The following MYO1F variants were observed in gnomAD, a reference collection of about 807,000 sequenced individuals.
MYO1F encodes the protein unconventional myosin-If.
In MYO1F, 60 loss-of-function variants were observed where a neutral mutation model predicts 146.6. That is an observed-to-expected ratio of 0.41 (90% confidence interval 0.33 to 0.51). MYO1F has a LOEUF of 0.51. MYO1F is among the 20% of genes least tolerant of loss of function. The pLI is 0.25. For synonymous variants in MYO1F, 602 were observed against 602.1 expected (o/e 1.00, Z 0.00); for missense variants, 1,274 against 1,534.3 (o/e 0.83, Z 2.83).
chr19:8,526,484 G>C lies in MYO1F; in HGVS notation c.2739C>G (p.Val913=). 2 of 1,567,194 alleles carry C rather than the reference G, an allele frequency of 1.3e-6. No homozygotes were observed. The highest frequency in any genetic ancestry group is 2.3e-5 in the South Asian group (2 of 85,204). Residue 913 remains valine (V), a synonymous_variant, in exon 24 of 28, where the codon GTC becomes GTG. Transcript: ENST00000644032. ...VLKVGGRTLT[V]SVGDGLPKSS... ...TCTTGGGCAGCCCATCGCCCACGCT[G>C]ACCGTGAGGGTCCGACCGCCAACCT...
intron 25 of MYO1F, among the ~76,000 whole-genome samples, chr19:8,523,208 T>G (rs1226609365): frequency 6.6e-6 from 1 of 151,992 alleles, no homozygotes. Context: ...ATTTTTTAAA[T>G]ATTTTTAGTA....
chr19:8,532,744 T>C (rs2967591), intron 19 of MYO1F, among the ~76,000 whole-genome samples: 46,569 of 151,586 alleles, frequency 0.31, 10,544 homozygotes, highest in African/African-American at 0.63. Context: ...AAAAATTAGC[T>C]GAGGGTGATG....
rs1336928319 is a variant in MYO1F at position 8,521,330 on chromosome 19, G to A, written c.*198C>T. 3.2e-6 allele frequency: 2 copies of A among 630,634 alleles called. No homozygotes were observed. Among genetic ancestry groups the A allele is most frequent in the Non-Finnish European group, 2.9e-6 (1 of 348,304 alleles). The allele number at this position is 630,634 out of a possible 1,614,324, so 39.1% of individuals were successfully genotyped here. A position where few individuals can be genotyped will look rare whatever the true frequency, so the allele number is the denominator to read the frequency against. On this transcript the variant is annotated 3_prime_UTR_variant, in exon 28 of 28. Coordinates refer to ENST00000644032, the MANE Select transcript of MYO1F (RefSeq NM_012335.4). ...ATGGGCAGCAGGTGTGATGTTGGAGGAAGACCAGGGCCCAGGGGCGGGGGC... is the reference window on the plus strand; with the variant it reads ...ATGGGCAGCAGGTGTGATGTTGGAGAAAGACCAGGGCCCAGGGGCGGGGGC...
intron 24 of MYO1F, 115 bp downstream of exon 24, chr19:8,526,338 A>G: frequency 6.8e-7 from 1 of 1,471,472 alleles, no homozygotes; most frequent in Non-Finnish European, 9.2e-7. Flanking sequence ...AAAAAACCAC[A>G]AAACTCAAAA....
rs2042251168 is a variant in MYO1F at position 8,577,067 on chromosome 19, C to A, written c.3+240G>T. On this transcript the variant is annotated intron_variant, in intron 1 of 27. Coordinates refer to ENST00000644032, the MANE Select transcript of MYO1F (RefSeq NM_012335.4). This position sits in a 1 kb window ranked among gnomAD's most constrained non-coding sequence, Gnocchi z 4.3. ...TGGGCCACCTTCTGTCTTCCAGGTC[C>A]TGCCCTATCCTTGGATCCAGGGATA... 3 of 621,496 alleles carry A rather than the reference C, an allele frequency of 4.8e-6. No individual in the cohort carries two copies. The South Asian group carries it at 5.6e-5, about 12-fold the overall frequency. The allele number at this position is 621,496 out of a possible 1,614,324, so 38.5% of individuals were successfully genotyped here.
intron 19 of MYO1F, among the ~76,000 whole-genome samples, chr19:8,534,835 C>A (rs921226394): frequency 6.6e-6 from 1 of 151,528 alleles, no homozygotes; most frequent in Non-Finnish European, 1.5e-5. Context: ...CCATGTTGGT[C>A]GGGCTGGTCT....
chr19:8,555,905 C>T lies in MYO1F; in HGVS notation c.4-109G>A, dbSNP rs577523288. 78 of 1,152,656 alleles carry T rather than the reference C, an allele frequency of 6.8e-5. No homozygotes were observed. The African/African-American group carries it at 1.0e-3, about 15-fold the overall frequency. The allele number at this position is 1,152,656 out of a possible 1,614,324, so 71.4% of individuals were successfully genotyped here. A position where few individuals can be genotyped will look rare whatever the true frequency, so the allele number is the denominator to read the frequency against. On this transcript the variant is annotated intron_variant, in intron 1 of 27. Transcript: ENST00000644032. ...TGTCCCACCTCCCCCGCCCCACCTCCATTCCTCCTTCCCCATCTCCAGGAG... is the reference window on the plus strand; with the variant it reads ...TGTCCCACCTCCCCCGCCCCACCTCTATTCCTCCTTCCCCATCTCCAGGAG...
Position 8,521,614 on chromosome 19 carries a change from A to G in MYO1F, c.3221-10T>C. The G allele has an allele frequency of 6.2e-7, 1 of 1,613,780 alleles. No individual in the cohort carries two copies. Among genetic ancestry groups the G allele is most frequent in the Non-Finnish European group, 8.5e-7 (1 of 1,179,886 alleles). ...CACCAGCCCGAGGGATCTGTGGGAG[A>G]GAGGAAAGCTTGAGGTGCCCCTAGC... On this transcript the variant is annotated splice_polypyrimidine_tract_variant and intron_variant, in intron 27 of 27. Transcript: ENST00000644032.
Position 8,548,036 on chromosome 19 carries a change from C to T in MYO1F, c.1269G>A (p.Gln423=). Residue 423 remains glutamine (Q), a splice_region_variant and synonymous_variant, in exon 12 of 28, where the codon CAG becomes CAA. Transcript: ENST00000644032. ...CATCCCTGACTGCTTGGCCGCCCAC[C>T]TGCTCGGCCTTCAGGGTAAGTTCGA... ...IFIELTLKAE[Q]EEYVQEGIRW... The T allele has an allele frequency of 6.2e-7, 1 of 1,613,378 alleles. No individual in the cohort carries two copies. The highest frequency in any genetic ancestry group is 1.1e-5 in the South Asian group (1 of 91,006).
chr19:8,545,495 G>A, intron 13 of MYO1F, 155 bp downstream of exon 13: 1 of 733,718 alleles, frequency 1.4e-6, no homozygotes. Context: ...AGGGGCGGAA[G>A]GGACATTTTG....
At chr19:8,536,661 GA>G in intron 17 of MYO1F, 64 bp from the exon 18 acceptor site, 1 of 371,568 alleles carries the variant, frequency 2.7e-6, no homozygotes, top group South Asian at 1.9e-5. Flanking sequence ...GGGTGGGTGG[GA>G]GGTGCTGGAG....
In MYO1F at chr19:8,548,060, G is replaced by A. The variant is rs1599975342; in HGVS notation, c.1245C>T (p.Ile415=). 13 of 1,612,676 alleles carry A rather than the reference G, an allele frequency of 8.1e-6. No individual in the cohort carries two copies. The East Asian group carries it at 2.2e-4, about 28-fold the overall frequency. The part of the protein sequence containing the change: ...FVNEKLQQIF[I]ELTLKAEQEE... ...CCTGCTCGGCCTTCAGGGTAAGTTC[G>A]ATAAAGATTTGCTGCAGCTTCTCAT... is the stretch of plus-strand genomic sequence containing the variant. The change falls in exon 12 of 28, where the codon ATC becomes ATT. Residue 415 remains isoleucine (I), a synonymous_variant. Coordinates refer to ENST00000644032, the MANE Select transcript of MYO1F (RefSeq NM_012335.4).
At chr19:8,541,367 C>A (rs932793747) in intron 15 of MYO1F, among the ~76,000 whole-genome samples, 1 of 150,378 alleles carries the variant, frequency 6.6e-6, no homozygotes, top group Non-Finnish European at 1.5e-5. Flanking sequence ...CTTTAAGGAT[C>A]CCCGTCTTAT....
chr19:8,545,584 C>A (rs1973310944), intron 13 of MYO1F, 66 bp downstream of exon 13: 1 of 1,368,472 alleles, frequency 7.3e-7, no homozygotes, highest in South Asian at 1.2e-5. Context: ...GGCCCTCCCC[C>A]TCATCTTCCA....
chr19:8,525,954 C>A (rs1261816810), intron 24 of MYO1F, among the ~76,000 whole-genome samples: 1 of 151,852 alleles, frequency 6.6e-6, no homozygotes, highest in Admixed American at 6.6e-5. Context: ...CCCCGCCCCA[C>A]TATTTTGATT....
rs1244227693 is a variant in MYO1F at position 8,543,927 on chromosome 19, G to C, written c.1524+370C>G. ...GGTGGTGGTGGTGGTGGTGGTGGTGGTGGTGGTGGTGCTGGTGGTGCTGGT... is the reference window on the plus strand; with the variant it reads ...GGTGGTGGTGGTGGTGGTGGTGGTGCTGGTGGTGGTGCTGGTGGTGCTGGT... On this transcript the variant is annotated intron_variant, in intron 14 of 27. Coordinates refer to ENST00000644032, the MANE Select transcript of MYO1F (RefSeq NM_012335.4). 3.8e-4 allele frequency: 95 copies of C among 251,418 alleles called. 1 individual carries two copies. The highest frequency in any genetic ancestry group is 1.4e-3 in the Middle Eastern group (1 of 738). The allele number at this position is 251,418 out of a possible 1,614,324, so 15.6% of individuals were successfully genotyped here.
At chr19:8,521,817 T>A (rs540304102) in intron 27 of MYO1F, among the ~76,000 whole-genome samples, 1 of 152,092 alleles carries the variant, frequency 6.6e-6, no homozygotes, top group East Asian at 1.9e-4. Context: ...TTTAAAAGTT[T>A]TTTTTTTGTA....
intron 1 of MYO1F, among the ~76,000 whole-genome samples, chr19:8,564,641 G>A (rs1011486418): frequency 6.6e-6 from 1 of 151,784 alleles, no homozygotes; most frequent in African/African-American, 2.4e-5. Context: ...GAGACTAAGA[G>A]GGGCCCCAGG....
intron 1 of MYO1F, among the ~76,000 whole-genome samples, chr19:8,558,516 C>T (rs1232149743): frequency 6.6e-6 from 1 of 152,036 alleles, no homozygotes; most frequent in Non-Finnish European, 1.5e-5. Context: ...CACATGCTCT[C>T]CAAAATCTCC....
Sources: allele counts gnomAD v4.1 joint callset (sites outside exome capture counted in the v4.1 genomes callset), GRCh38; gene constraint gnomAD v4.1.1; non-coding constraint Gnocchi (gnomAD v3.1); transcripts MANE v1.5; gene names NCBI Gene and HGNC (gene_info 2026-07-23, HGNC 2026-07-21).